TUSC3: variants seen among roughly 807,000 people sequenced by gnomAD.
The protein encoded by TUSC3 is dolichyl-diphosphooligosaccharide--protein glycosyltransferase subunit TUSC3.
A neutral mutation model predicts 44.8 loss-of-function variants in TUSC3; 45 were observed. The ratio of observed to expected loss-of-function variants is 1.00; its 90% CI spans 0.79 to 1.29. TUSC3 has a LOEUF of 1.29. Among genes scored for constraint, TUSC3 ranks in the 50% most tolerant of loss-of-function variants. TUSC3 has a pLI of 0.00. For missense variants in TUSC3, 519 were observed against 437.9 expected (o/e 1.19, Z -1.65); for synonymous variants, 212 against 152.9 (o/e 1.39, Z -2.85).
chr8:15,725,024 G>GGGTTGATCCAACAACA (rs1405352033), intron 6 of TUSC3, among the ~76,000 whole-genome samples: 1 of 152,096 alleles, frequency 6.6e-6, no homozygotes, highest in East Asian at 1.9e-4. Context: ...ATCCAACACT[G>GGGTTGATCCAACAACA]TCAAATCTTA....
At chr8:15,745,877 A>G (rs910542619) in intron 8 of TUSC3, among the ~76,000 whole-genome samples, 1 of 151,860 alleles carries the variant, frequency 6.6e-6, no homozygotes. Flanking sequence ...TGAGACAGGC[A>G]TTTCCTAGGT....
intron 6 of TUSC3, among the ~76,000 whole-genome samples, chr8:15,704,865 T>G (rs1461977489): frequency 6.6e-6 from 1 of 151,998 alleles, no homozygotes; most frequent in African/African-American, 2.4e-5. Context: ...AAGGGTTAAG[T>G]GATTTGCCCA....
chr8:15,541,793 T>C (rs946944767), intron 1 of TUSC3, among the ~76,000 whole-genome samples: 1 of 141,542 alleles, frequency 7.1e-6, no homozygotes, highest in Non-Finnish European at 1.6e-5. Flanking sequence ...CCAAGAGTTT[T>C]AGATTTAGGA....
At chr8:15,696,253 T>G (rs1005220441) in intron 6 of TUSC3, among the ~76,000 whole-genome samples, 5 of 152,092 alleles carry the variant, frequency 3.3e-5, no homozygotes, top group Admixed American at 1.3e-4. Flanking sequence ...CTGCTCCAGC[T>G]GAGACTAGAA....
Position 15,624,649 on chromosome 8 carries a change from T to C in TUSC3, c.308+1400T>C, listed in dbSNP as rs970465693. 3.3e-5 allele frequency among the ~76,000 whole-genome samples: 5 copies of C among 152,300 alleles called. No homozygotes were observed. In the South Asian group the frequency reaches 8.3e-4, roughly 25 times the overall value. On this transcript the variant is annotated intron_variant, in intron 2 of 10. Transcript: ENST00000503731. ...TTCATAGTCTTCTGCCCCTTTCTAA[T>C]TGGATTCTTTAAATGAGTTTTGAGG...
At chr8:15,472,942 A>G (rs946496442) in intron 1 of TUSC3, among the ~76,000 whole-genome samples, 3 of 152,184 alleles carry the variant, frequency 2.0e-5, no homozygotes, top group Admixed American at 1.3e-4. Flanking sequence ...AGCTAAGTAA[A>G]TAGACTCTCA....
chr8:15,514,311 GTAAT>G (rs953569509), intron 2 of TUSC3, among the ~76,000 whole-genome samples: 1 of 152,156 alleles, frequency 6.6e-6, no homozygotes, highest in Non-Finnish European at 1.5e-5. Context: ...ATTTGTGGTA[GTAAT>G]TTATTTTTAT....
chr8:15,470,043 C>T (rs866893893), intron 1 of TUSC3, among the ~76,000 whole-genome samples: 1 of 151,884 alleles, frequency 6.6e-6, no homozygotes, highest in Admixed American at 6.6e-5. Context: ...ATCGCTTGAG[C>T]CCAGCAGTTC....
chr8:15,692,290 T>G (rs896500363), intron 6 of TUSC3, among the ~76,000 whole-genome samples: 2 of 151,628 alleles, frequency 1.3e-5, no homozygotes, highest in African/African-American at 4.8e-5. Context: ...TTTTCTTGTT[T>G]TGTTGTTTCT....
intron 1 of TUSC3, among the ~76,000 whole-genome samples, chr8:15,465,275 C>G (rs566014829): frequency 3.9e-5 from 6 of 152,288 alleles, no homozygotes; most frequent in Admixed American, 2.0e-4. Context: ...AGACTACACT[C>G]TTAGTGTAAG....
At chr8:15,838,710 G>A in the TUSC3 span, among the ~76,000 whole-genome samples, 9 of 152,072 alleles carry the variant, frequency 5.9e-5, no homozygotes, top group African/African-American at 9.7e-5. Flanking sequence ...TGTTCCATTG[G>A]TCTATATCTC....
intron 1 of TUSC3, among the ~76,000 whole-genome samples, chr8:15,595,538 G>A (rs971753563): frequency 2.6e-5 from 4 of 152,120 alleles, no homozygotes; most frequent in South Asian, 2.1e-4. Flanking sequence ...GATGACCAGC[G>A]TCCTGAAAAC....
the TUSC3 span, among the ~76,000 whole-genome samples, chr8:15,779,070 C>G: frequency 3.3e-5 from 5 of 150,120 alleles, no homozygotes; most frequent in South Asian, 8.5e-4. Context: ...TGGGTAAGTA[C>G]TAGAAGCAGG....
At chr8:15,530,378 GA>G (rs1398030348) in intron 2 of TUSC3, among the ~76,000 whole-genome samples, 1 of 152,138 alleles carries the variant, frequency 6.6e-6, no homozygotes, top group Non-Finnish European at 1.5e-5. Context: ...AATATTTCTA[GA>G]AAAGCTACTA....
At chr8:15,732,550 G>C (rs1405807509) in intron 7 of TUSC3, among the ~76,000 whole-genome samples, 1 of 140,798 alleles carries the variant, frequency 7.1e-6, no homozygotes, top group Non-Finnish European at 1.5e-5. Flanking sequence ...TTTTGACAAA[G>C]GTGTAGATGA....
At chr8:15,444,037 C>T (rs1401000977) in intron 1 of TUSC3, among the ~76,000 whole-genome samples, 3 of 152,196 alleles carry the variant, frequency 2.0e-5, no homozygotes, top group Admixed American at 6.5e-5. Context: ...AGTAATAAAA[C>T]CCTGGTCTCC....
At chr8:15,742,910 T>C (rs1811255288) in intron 7 of TUSC3, among the ~76,000 whole-genome samples, 1 of 152,234 alleles carries the variant, frequency 6.6e-6, no homozygotes, top group Admixed American at 6.5e-5. Flanking sequence ...AATATATCCA[T>C]CCTGTTGCAA....
chr8:15,591,028 C>T (rs184226895), intron 1 of TUSC3, among the ~76,000 whole-genome samples: 58 of 152,198 alleles, frequency 3.8e-4, no homozygotes, highest in Non-Finnish European at 3.4e-4. Flanking sequence ...CTTTGCCATG[C>T]TGAGTTCTTT....
chr8:15,653,956 C>G (rs1039821981), intron 3 of TUSC3, among the ~76,000 whole-genome samples: 1 of 152,138 alleles, frequency 6.6e-6, no homozygotes, highest in Admixed American at 6.5e-5. Context: ...ATGTGATTCC[C>G]ATAGGAATGG....
Sources: gnomAD v4.1 joint callset for allele counts (sites outside exome capture counted in the v4.1 genomes callset) on GRCh38, gnomAD v4.1.1 for gene constraint, MANE v1.5 for transcripts, NCBI Gene and HGNC (gene_info 2026-07-23, HGNC 2026-07-21) for gene names.